The following ABCC11 variants were observed in gnomAD, a reference collection of about 807,000 sequenced individuals.
ABCC11 encodes ATP binding cassette subfamily C member 11, also known as ATP-binding cassette sub-family C member 11.
In ABCC11, 135 loss-of-function variants were observed where a neutral mutation model predicts 149.3. The ratio of observed to expected loss-of-function variants is 0.90; its 90% CI spans 0.79 to 1.04. The LOEUF (loss-of-function observed/expected upper bound fraction) is 1.04. ABCC11 is among the 50% of genes least tolerant of loss of function. The pLI is 0.00. For missense variants in ABCC11, 1,680 were observed against 1,722.1 expected (o/e 0.98, Z 0.43); for synonymous variants, 665 against 671.4 (o/e 0.99, Z 0.15).
At chr16:48,215,788 G>C (rs1172683292) in intron 7 of ABCC11, among the ~76,000 whole-genome samples, 1 of 152,168 alleles carries the variant, frequency 6.6e-6, no homozygotes, top group Non-Finnish European at 1.5e-5. Context: ...AATGCTGGCT[G>C]TGTTATTACA....
At chr16:48,199,370 A>C (rs1967728333) in intron 15 of ABCC11, among the ~76,000 whole-genome samples, 1 of 151,984 alleles carries the variant, frequency 6.6e-6, no homozygotes, top group Non-Finnish European at 1.5e-5. Flanking sequence ...TATTTTCTAA[A>C]CCTTGTTTAG....
intron 26 of ABCC11, among the ~76,000 whole-genome samples, chr16:48,174,259 T>G (rs538882334): frequency 6.6e-5 from 10 of 152,280 alleles, no homozygotes; most frequent in African/African-American, 2.4e-4. Context: ...TTAAACTGGC[T>G]CCAGTCCCTA....
chr16:48,217,595 C>G (rs570516211), intron 6 of ABCC11, among the ~76,000 whole-genome samples: 2 of 152,254 alleles, frequency 1.3e-5, no homozygotes, highest in East Asian at 3.9e-4. Flanking sequence ...GACCTAGTCT[C>G]AAAATAAAAA....
intron 1 of ABCC11, among the ~76,000 whole-genome samples, chr16:48,238,975 A>G (rs1216106889): frequency 2.6e-5 from 4 of 150,964 alleles, no homozygotes; most frequent in Non-Finnish European, 2.9e-5. Flanking sequence ...AAAACTAAAT[A>G]TCTGTAAGAC....
chr16:48,208,215 A>G (rs1968607894), intron 12 of ABCC11, among the ~76,000 whole-genome samples: 1 of 152,216 alleles, frequency 6.6e-6, no homozygotes, highest in Admixed American at 6.5e-5. Flanking sequence ...AGCTTGCACC[A>G]GGAGCGCTGC....
At chr16:48,174,142 A>G (rs372356782) in intron 26 of ABCC11, among the ~76,000 whole-genome samples, 25 of 152,254 alleles carry the variant, frequency 1.6e-4, no homozygotes, top group East Asian at 1.2e-3. Flanking sequence ...CTGATCTAAC[A>G]ATTACCCCTT....
chr16:48,242,308 G>C (rs1428342031), intron 1 of ABCC11, among the ~76,000 whole-genome samples: 3 of 152,104 alleles, frequency 2.0e-5, no homozygotes, highest in East Asian at 3.9e-4. Context: ...CTCATCATCA[G>C]TGGCCATCAG....
rs1308431330 is a variant in ABCC11, at chr16:48,222,800, G to A, written c.575C>T (p.Ser192Leu). The A allele has an allele frequency of 6.2e-7, 1 of 1,613,960 alleles. No homozygotes were observed. Residue 192 changes from serine to leucine, a missense_variant, in exon 6 of 30, where the codon TCA becomes TTA. By Grantham distance (145) the Ser-to-Leu change is moderately radical (BLOSUM62 -2). Coordinates refer to ENST00000356608, the MANE Select transcript of ABCC11 (RefSeq NM_001370497.1). ...ILIIPKILEY[S>L]EEQLGNVVHG... The stretch of plus-strand genomic sequence containing the variant: ...GACAACATTCCCCAACTGCTCTTCT[G>A]AATATTCCAGGATCTTTGGTATAAT...
intron 12 of ABCC11, among the ~76,000 whole-genome samples, chr16:48,208,041 C>CTT (rs57987133): frequency 6.7e-6 from 1 of 148,886 alleles, no homozygotes; most frequent in African/African-American, 2.5e-5. Flanking sequence ...TTTTTATGCT[C>CTT]TTTTTTTTTT....
chr16:48,202,248 T>C (rs930822890), intron 14 of ABCC11, among the ~76,000 whole-genome samples: 2 of 152,202 alleles, frequency 1.3e-5, no homozygotes, highest in Non-Finnish European at 2.9e-5. Context: ...GTTCTTCCTA[T>C]TGAAGAAACA....
chr16:48,170,637 C>G (rs1276370035), intron 27 of ABCC11, among the ~76,000 whole-genome samples: 1 of 152,176 alleles, frequency 6.6e-6, no homozygotes, highest in Non-Finnish European at 1.5e-5. Flanking sequence ...ATGTACGTAC[C>G]AGGAGGACAA....
At chr16:48,232,022 G>C in intron 1 of ABCC11, 83 bp from the exon 2 acceptor site, 1 of 1,584,758 alleles carries the variant, frequency 6.3e-7, no homozygotes, top group South Asian at 1.2e-5. Flanking sequence ...GCCAGAAGAG[G>C]GGGCACTACC....
At chr16:48,208,060 C>A (rs1355394441) in intron 12 of ABCC11, among the ~76,000 whole-genome samples, 1 of 152,052 alleles carries the variant, frequency 6.6e-6, no homozygotes, top group Non-Finnish European at 1.5e-5. Context: ...TTATAGGGAC[C>A]ATTGCAAGAG....
chr16:48,231,165 T>C (rs1171677030), intron 2 of ABCC11, among the ~76,000 whole-genome samples: 1 of 151,964 alleles, frequency 6.6e-6, no homozygotes, highest in Non-Finnish European at 1.5e-5. Context: ...TCCAAGCTGA[T>C]GTATTGGTGA....
chr16:48,245,662 C>T (rs753395248), intron 1 of ABCC11, among the ~76,000 whole-genome samples: 5 of 152,028 alleles, frequency 3.3e-5, no homozygotes, highest in Non-Finnish European at 5.9e-5. Flanking sequence ...GTACAATACA[C>T]GCCAGATTTT....
chr16:48,222,699 T>G lies in ABCC11; in HGVS notation c.676A>C (p.Ile226Leu). The G allele has an allele frequency of 6.2e-7, 1 of 1,614,204 alleles. No individual in the cohort carries two copies. Among genetic ancestry groups the G allele is most frequent in the Non-Finnish European group, 8.5e-7 (1 of 1,180,036 alleles). The change falls in exon 6 of 30, where the codon ATC becomes CTC. Residue 226 changes from isoleucine to leucine, a missense_variant. Transcript: ENST00000356608. ...KSLSFSSSWI[I>L]NQRTAIRFRA... ...AACCTGATGGCTGTGCGTTGGTTGA[T>G]GATCCAACTGGAGGAGAAACTCAGA...
chr16:48,178,210 G>C (rs1021901841), intron 24 of ABCC11, among the ~76,000 whole-genome samples: 2 of 152,202 alleles, frequency 1.3e-5, no homozygotes, highest in Non-Finnish European at 2.9e-5. Flanking sequence ...GATTCAAATG[G>C]TAAAGCTTAG....
chr16:48,178,166 G>T (rs1389854173), intron 24 of ABCC11, among the ~76,000 whole-genome samples: 1 of 152,224 alleles, frequency 6.6e-6, no homozygotes, highest in African/African-American at 2.4e-5. Context: ...ATGGGGAAAA[G>T]AGAGTTTGAA....
intron 1 of ABCC11, among the ~76,000 whole-genome samples, chr16:48,241,006 C>T (rs1230309262): frequency 6.6e-6 from 1 of 152,092 alleles, no homozygotes; most frequent in African/African-American, 2.4e-5. Context: ...CTGATCTCAG[C>T]TCACTGCAAC....
Sources: allele counts gnomAD v4.1 joint callset (sites outside exome capture counted in the v4.1 genomes callset), GRCh38; gene constraint gnomAD v4.1.1; transcripts MANE v1.5; gene names NCBI Gene and HGNC (gene_info 2026-07-23, HGNC 2026-07-21).